SYNPR: variants seen among roughly 807,000 people sequenced by gnomAD.
SYNPR encodes the protein synaptoporin.
Under a neutral mutation model 32.9 loss-of-function variants are expected in SYNPR, and 23 were observed. That is an observed-to-expected ratio of 0.70 (90% CI 0.50 to 0.99). SYNPR has a LOEUF of 0.99. Among genes scored for constraint, SYNPR ranks in the 50% least tolerant of loss-of-function variants. The probability of loss-of-function intolerance (pLI) is 0.00; values close to 1 mark genes in which losing one functional copy is unlikely to be tolerated. For synonymous variants in SYNPR, 146 were observed against 135.9 expected (o/e 1.07, Z -0.52); for missense variants, 318 against 349.3 (o/e 0.91, Z 0.71).
At chr3:63,482,348 CA>C (rs1300691453) in intron 3 of SYNPR, among the ~76,000 whole-genome samples, 1 of 152,120 alleles carries the variant, frequency 6.6e-6, no homozygotes, top group Non-Finnish European at 1.5e-5. Flanking sequence ...TATAGTTAAT[CA>C]TTATATTTTT....
At chr3:63,545,563 C>T (rs2106811836) in intron 3 of SYNPR, 2 of 151,856 alleles carry the variant, frequency 1.3e-5, no homozygotes, top group Middle Eastern at 6.8e-3. Flanking sequence ...CAGAACAGCA[C>T]AATATGATAA....
intron 3 of SYNPR, among the ~76,000 whole-genome samples, chr3:63,270,860 TTTCCTTCC>T (rs3082060): frequency 0.1 from 8,801 of 84,014 alleles, 416 homozygotes; most frequent in South Asian, 0.17. Flanking sequence ...CTCTCCCTTC[TTTCCTTCC>T]TTCCTTCCTT....
chr3:63,547,563 A>T (rs1381850087), intron 3 of SYNPR, among the ~76,000 whole-genome samples: 1 of 152,124 alleles, frequency 6.6e-6, no homozygotes, highest in Non-Finnish European at 1.5e-5. Context: ...CCCATGAGCC[A>T]GTGGAGCAAT....
intron 2 of SYNPR, among the ~76,000 whole-genome samples, chr3:63,260,954 C>T (rs950159987): frequency 4.6e-5 from 7 of 151,862 alleles, no homozygotes; most frequent in Admixed American, 1.3e-4. Context: ...AGCCAAAAGA[C>T]ATATGAAAAA....
At chr3:63,263,936 A>T (rs2086460389) in intron 2 of SYNPR, among the ~76,000 whole-genome samples, 1 of 152,178 alleles carries the variant, frequency 6.6e-6, no homozygotes, top group Non-Finnish European at 1.5e-5. Context: ...CGTGTTTCAA[A>T]ACTGCCACAT....
chr3:63,503,672 T>C (rs1392305743), intron 3 of SYNPR, among the ~76,000 whole-genome samples: 1 of 152,118 alleles, frequency 6.6e-6, no homozygotes, highest in Non-Finnish European at 1.5e-5. Flanking sequence ...CATCTCATTT[T>C]ATTTAAAATG....
intron 2 of SYNPR, among the ~76,000 whole-genome samples, chr3:63,468,266 T>C (rs1013580911): frequency 2.0e-5 from 3 of 151,736 alleles, no homozygotes; most frequent in Admixed American, 6.6e-5. Flanking sequence ...AGAAGCAGTG[T>C]AGAGATGCAA....
intron 2 of SYNPR, among the ~76,000 whole-genome samples, chr3:63,312,084 G>A (rs2086972224): frequency 6.6e-6 from 1 of 151,946 alleles, no homozygotes. Context: ...AAATTCTAAT[G>A]TGCAAAAATG....
chr3:63,420,924 A>G (rs116622512), intron 2 of SYNPR, among the ~76,000 whole-genome samples: 1,945 of 152,264 alleles, frequency 0.013, 35 homozygotes, highest in African/African-American at 0.044. Flanking sequence ...GCTGCCTCCC[A>G]GGCTGGAGTG....
intron 2 of SYNPR, among the ~76,000 whole-genome samples, chr3:63,450,902 A>AT (rs1700367766): frequency 6.6e-6 from 1 of 152,176 alleles, no homozygotes; most frequent in South Asian, 2.1e-4. Context: ...TGCCAAGATA[A>AT]AAGGCCTTTC....
chr3:63,513,776 A>T (rs1369377145), intron 3 of SYNPR, among the ~76,000 whole-genome samples: 1 of 152,138 alleles, frequency 6.6e-6, no homozygotes, highest in Non-Finnish European at 1.5e-5. Context: ...ATGAATGTAC[A>T]AATGATGGAA....
chr3:63,497,314 T>C (rs1701391309), intron 3 of SYNPR, among the ~76,000 whole-genome samples: 2 of 152,204 alleles, frequency 1.3e-5, no homozygotes, highest in Non-Finnish European at 2.9e-5. Context: ...TTCATAGTAC[T>C]TACAAAGAAA....
intron 3 of SYNPR, among the ~76,000 whole-genome samples, chr3:63,514,230 T>C (rs1377721589): frequency 6.6e-6 from 1 of 152,192 alleles, no homozygotes; most frequent in African/African-American, 2.4e-5. Context: ...GGCCAGACAG[T>C]TCATACTTGG....
At chr3:63,417,008 C>G (rs535683071) in intron 2 of SYNPR, among the ~76,000 whole-genome samples, 1 of 152,176 alleles carries the variant, frequency 6.6e-6, no homozygotes, top group Non-Finnish European at 1.5e-5. Context: ...TCCCAACAGT[C>G]CCCCAAAGGC....
At chr3:63,304,641 C>G (rs1449495267) in intron 2 of SYNPR, among the ~76,000 whole-genome samples, 2 of 151,880 alleles carry the variant, frequency 1.3e-5, no homozygotes, top group Non-Finnish European at 2.9e-5. Flanking sequence ...ATGCAGAATA[C>G]TCAAATTTTC....
At chr3:63,252,743 A>G (rs2086343156) in intron 2 of SYNPR, among the ~76,000 whole-genome samples, 1 of 152,158 alleles carries the variant, frequency 6.6e-6, no homozygotes, top group Admixed American at 6.5e-5. Context: ...TATGCAGATA[A>G]GAATGGTTCC....
intron 5 of SYNPR, among the ~76,000 whole-genome samples, chr3:63,611,933 A>T (rs1575737130): frequency 6.6e-6 from 1 of 152,216 alleles, no homozygotes; most frequent in Non-Finnish European, 1.5e-5. Context: ...TACTGGGCAA[A>T]CATAGGTTTT....
At chr3:63,487,499 G>A (rs1178187857) in intron 3 of SYNPR, among the ~76,000 whole-genome samples, 1 of 152,064 alleles carries the variant, frequency 6.6e-6, no homozygotes, top group Non-Finnish European at 1.5e-5. Context: ...ATCAACTAGA[G>A]TGCTAGAAAA....
Position 63,329,323 on chromosome 3 carries a change from C to A in SYNPR, c.84+50581C>A, listed in dbSNP as rs1031171020. On this transcript the variant is annotated intron_variant, in intron 2 of 5. Transcript: ENST00000478300. ...AGCTACTCTTCTTAGCCCTATTTTACGGGTGGGAAAACTGAGACACAGAGA... is the reference window on the plus strand; with the variant it reads ...AGCTACTCTTCTTAGCCCTATTTTAAGGGTGGGAAAACTGAGACACAGAGA... 2.0e-5 allele frequency among the ~76,000 whole-genome samples: 3 copies of A among 152,164 alleles called. No individual in the cohort carries two copies. In the South Asian group the frequency reaches 6.2e-4, roughly 32 times the overall value.
Sources: allele counts gnomAD v4.1 joint callset (sites outside exome capture counted in the v4.1 genomes callset), GRCh38; gene constraint gnomAD v4.1.1; transcripts MANE v1.5; gene names NCBI Gene and HGNC (gene_info 2026-07-23, HGNC 2026-07-21).